MROH9: variants seen among roughly 807,000 people sequenced by gnomAD.
MROH9 encodes maestro heat like repeat family member 9.
Under a neutral mutation model 98.2 loss-of-function variants are expected in MROH9, and 92 were observed. That is an observed-to-expected ratio of 0.94 (90% CI 0.79 to 1.11). MROH9 has a LOEUF of 1.11. Among genes scored for constraint, MROH9 ranks in the 50% most tolerant of loss-of-function variants. The probability of loss-of-function intolerance (pLI) is 0.00; values close to 1 mark genes in which losing one functional copy is unlikely to be tolerated. For synonymous variants in MROH9, 397 were observed against 368.9 expected, an observed-to-expected ratio of 1.08 and a Z score of -0.87; for missense variants, 1,057 against 1,014.8, an observed-to-expected ratio of 1.04 and a Z score of -0.57.
chr1:171,043,735 G>A (rs112708476), intron 20 of MROH9, among the ~76,000 whole-genome samples: 18,365 of 151,690 alleles, frequency 0.12, 1,211 homozygotes, highest in Middle Eastern at 0.22. Flanking sequence ...TTAATTTTAT[G>A]TGTGGCTATT....
chr1:170,947,926 C>G (rs570244982), intron 3 of MROH9, among the ~76,000 whole-genome samples: 1 of 152,020 alleles, frequency 6.6e-6, no homozygotes, highest in Non-Finnish European at 1.5e-5. Context: ...GAAACCCTTC[C>G]CATCAAAGTG....
chr1:171,055,576 C>T (rs941300111), intron 20 of MROH9, among the ~76,000 whole-genome samples: 6 of 145,216 alleles, frequency 4.1e-5, no homozygotes, highest in African/African-American at 1.3e-4. Context: ...GAGCCAAGAT[C>T]GCTCCACTGC....
intron 16 of MROH9, among the ~76,000 whole-genome samples, chr1:171,015,759 T>C (rs1571504334): frequency 6.6e-6 from 1 of 152,136 alleles, no homozygotes; most frequent in South Asian, 2.1e-4. Context: ...GGTGTAAAGA[T>C]CCTTATGATG....
chr1:171,042,780 T>C (rs1185987585), intron 20 of MROH9, among the ~76,000 whole-genome samples: 1 of 152,196 alleles, frequency 6.6e-6, no homozygotes, highest in Non-Finnish European at 1.5e-5. Context: ...CATTTGTATG[T>C]CTTCTTTTTA....
intron 15 of MROH9, among the ~76,000 whole-genome samples, chr1:171,007,714 A>G (rs1256249021): frequency 6.6e-6 from 1 of 152,186 alleles, no homozygotes; most frequent in African/African-American, 2.4e-5. Flanking sequence ...CTCTCAGGCC[A>G]CTGCTGAGAA....
chr1:170,996,692 T>C (rs751201008), intron 14 of MROH9, 48 bp downstream of exon 14: 10 of 1,575,296 alleles, frequency 6.3e-6, no homozygotes, highest in Non-Finnish European at 8.6e-6. Context: ...TATCCTACCT[T>C]CTCCAACTTC....
At chr1:171,055,134 GAT>G (rs1557916072) in intron 20 of MROH9, among the ~76,000 whole-genome samples, 2 of 151,960 alleles carry the variant, frequency 1.3e-5, no homozygotes, top group African/African-American at 4.8e-5. Flanking sequence ...TCAACAAATG[GAT>G]AAAGAAAATG....
In MROH9 at chr1:170,989,964, T is replaced by A. The variant is rs1384586178; in HGVS notation, c.989T>A (p.Val330Asp). ...TLLTCTSPKKVIFQLMDYPVP... is the reference protein window; with the variant it reads ...TLLTCTSPKKDIFQLMDYPVP... The stretch of plus-strand genomic sequence containing the variant: ...TTGACATGCACTTCACCCAAGAAGG[T>A]CATCTTTCAACTTATGGACTACCCA... Residue 330 changes from valine to aspartate, a missense_variant, in exon 11 of 22, where the codon GTC becomes GAC. By Grantham distance (152) the Val-to-Asp change is radical. Transcript: ENST00000367759. 1 of 1,613,110 alleles carries A rather than the reference T, an allele frequency of 6.2e-7. No homozygotes were observed. The highest frequency in any genetic ancestry group is 8.5e-7 in the Non-Finnish European group (1 of 1,179,340).
chr1:170,962,435 AC>A (rs1363534289), intron 6 of MROH9, among the ~76,000 whole-genome samples: 2 of 151,976 alleles, frequency 1.3e-5, no homozygotes, highest in East Asian at 3.9e-4. Flanking sequence ...ACAATTCAAA[AC>A]CCTATTTTTC....
intron 15 of MROH9, among the ~76,000 whole-genome samples, chr1:171,002,126 T>C (rs1318051785): frequency 6.6e-6 from 1 of 152,202 alleles, no homozygotes; most frequent in Non-Finnish European, 1.5e-5. Flanking sequence ...TAAGTTTATG[T>C]GAGTCCTTAT....
chr1:171,034,516 A>G (rs752105044), intron 20 of MROH9, among the ~76,000 whole-genome samples: 4 of 152,180 alleles, frequency 2.6e-5, no homozygotes, highest in Non-Finnish European at 5.9e-5. Flanking sequence ...GATGGGTACA[A>G]CACTTAATGT....
At chr1:171,046,217 A>G (rs916241777) in intron 20 of MROH9, among the ~76,000 whole-genome samples, 3 of 152,252 alleles carry the variant, frequency 2.0e-5, no homozygotes, top group East Asian at 3.9e-4. Flanking sequence ...TGTAGACTGA[A>G]CAGATCAATT....
chr1:170,979,758 A>G (rs780072449), intron 8 of MROH9, among the ~76,000 whole-genome samples: 6 of 152,216 alleles, frequency 3.9e-5, no homozygotes, highest in Non-Finnish European at 7.3e-5. Context: ...TTCAAAGTTC[A>G]TAAAGGACAT....
intron 15 of MROH9, among the ~76,000 whole-genome samples, chr1:171,012,611 T>TC (rs1286560297): frequency 6.7e-6 from 1 of 150,114 alleles, no homozygotes; most frequent in Non-Finnish European, 1.5e-5. Flanking sequence ...CACTCCATTC[T>TC]CCTGCCTCAG....
chr1:170,946,666 AT>A (rs2101871787), intron 2 of MROH9, among the ~76,000 whole-genome samples: 1 of 152,092 alleles, frequency 6.6e-6, no homozygotes, highest in African/African-American at 2.4e-5. Flanking sequence ...ATAAAAAGTT[AT>A]TTTTTTAAAA....
Position 170,986,724 on chromosome 1 carries a change from C to T in MROH9, c.879+14C>T, listed in dbSNP as rs745574579. On this transcript the variant is annotated intron_variant, in intron 10 of 21. Coordinates refer to ENST00000367759, the MANE Select transcript of MROH9 (RefSeq NM_001163629.2). ...AAGGTCACCATGGTAAGATACTTGA[C>T]AATAAGCAGGAGAGCACAGGGTTTA... 1.9e-6 allele frequency: 3 copies of T among 1,611,820 alleles called. No homozygotes were observed. Among genetic ancestry groups the T allele is most frequent in the East Asian group, 2.2e-5 (1 of 44,852 alleles).
chr1:171,003,497 G>A (rs1378510882), intron 15 of MROH9, among the ~76,000 whole-genome samples: 1 of 152,158 alleles, frequency 6.6e-6, no homozygotes, highest in African/African-American at 2.4e-5. Context: ...TCAAACTGCA[G>A]TGATTGTTGT....
intron 8 of MROH9, among the ~76,000 whole-genome samples, chr1:170,981,804 T>G (rs981206190): frequency 6.6e-6 from 1 of 150,960 alleles, no homozygotes; most frequent in Non-Finnish European, 1.5e-5. Context: ...TGGATTTAAA[T>G]AGCCAAAGAA....
intron 20 of MROH9, among the ~76,000 whole-genome samples, chr1:171,047,104 T>C (rs1331321580): frequency 6.6e-6 from 1 of 152,210 alleles, no homozygotes; most frequent in Non-Finnish European, 1.5e-5. Flanking sequence ...TCTTTCTTTA[T>C]CCTTGACCTT....
Sources: gnomAD v4.1 joint callset for allele counts (sites outside exome capture counted in the v4.1 genomes callset) on GRCh38, gnomAD v4.1.1 for gene constraint, MANE v1.5 for transcripts, NCBI Gene and HGNC (gene_info 2026-07-23, HGNC 2026-07-21) for gene names.